FHIT: variants seen among roughly 807,000 people sequenced by gnomAD.
The protein encoded by FHIT is bis(5'-adenosyl)-triphosphatase.
Under a neutral mutation model 17.9 loss-of-function variants are expected in FHIT, and 19 were observed. The ratio of observed to expected loss-of-function variants is 1.06; its 90% CI spans 0.74 to 1.56. The LOEUF (loss-of-function observed/expected upper bound fraction) is 1.56, where lower values mean the gene tolerates loss of function less well. Ranked by LOEUF, FHIT falls within the 40% of genes most tolerant of loss-of-function variation. The pLI is 0.00. For missense variants in FHIT, 248 were observed against 189.2 expected, an observed-to-expected ratio of 1.31 and a Z score of -1.82; for synonymous variants, 81 against 69.7, an observed-to-expected ratio of 1.16 and a Z score of -0.81.
At chr3:60,744,258 C>CAAAAAAAAAAAAAAA (rs371224955) in intron 4 of FHIT, among the ~76,000 whole-genome samples, 1 of 95,642 alleles carries the variant, frequency 1.0e-5, no homozygotes, top group Non-Finnish European at 2.1e-5. Context: ...AAAAAAAAAA[C>CAAAAAAAAAAAAAAA]AAAACAAAAC....
rs1553691002 is a variant in FHIT at position 60,124,041 on chromosome 3, G to GAGACAGAGAGAGAGAGAGAC, written c.104-109890_104-109889insGTCTCTCTCTCTCTCTGTCT. ...AGAGAGAGAGAGAGAGAGAGAGAGAGAGAGAGAGAGAGAGACAGAGAGAGA... is the reference window on the plus strand; with the variant it reads ...AGAGAGAGAGAGAGAGAGAGAGAGAGAGACAGAGAGAGAGAGAGACAGAGAGAGAGAGAGACAGAGAGAGA... On this transcript the variant is annotated intron_variant, in intron 5 of 9. Coordinates refer to ENST00000492590, the MANE Select transcript of FHIT (RefSeq NM_002012.4). Among the ~76,000 whole-genome samples, 50 of 47,660 alleles carry GAGACAGAGAGAGAGAGAGAC rather than the reference G, an allele frequency of 1.0e-3. 2 individuals carry two copies. The highest frequency in any genetic ancestry group is 1.5e-3 in the Non-Finnish European group (35 of 23,408). The allele number at this position is 47,660 out of a possible 152,430, so 31.3% of individuals were successfully genotyped here.
chr3:60,731,025 C>A (rs1015869820), intron 4 of FHIT, among the ~76,000 whole-genome samples: 1 of 151,230 alleles, frequency 6.6e-6, no homozygotes, highest in African/African-American at 2.4e-5. Context: ...CAGCTACTTG[C>A]GAGGCTGAGG....
chr3:60,285,342 G>A (rs1232420092), intron 5 of FHIT, among the ~76,000 whole-genome samples: 1 of 152,042 alleles, frequency 6.6e-6, no homozygotes, highest in Non-Finnish European at 1.5e-5. Context: ...CCAAAAATAG[G>A]TTTATGCCCC....
intron 5 of FHIT, among the ~76,000 whole-genome samples, chr3:60,386,807 G>GCTGA (rs1701028512): frequency 6.6e-6 from 1 of 152,158 alleles, no homozygotes; most frequent in Non-Finnish European, 1.5e-5. Context: ...TGTGGTAGGT[G>GCTGA]CTGACCACTT....
Position 60,391,057 on chromosome 3 carries a change from ACATGCCTGTGGTC to A in FHIT, c.103+145790_103+145802del, listed in dbSNP as rs555183520. On this transcript the variant is annotated intron_variant, in intron 5 of 9. Coordinates refer to ENST00000492590, the MANE Select transcript of FHIT (RefSeq NM_002012.4). ...ATAAAAATTAGCCAGGTGTGGTGGG[ACATGCCTGTGGTC>A]CCAGCTTCTCATGAGGCTGAAGGAC... Among the ~76,000 whole-genome samples the A allele has an allele frequency of 3.6e-3, 543 of 152,162 alleles. 3 individuals are homozygous for A. Among genetic ancestry groups the A allele is most frequent in the African/African-American group, 0.012 (506 of 41,532 alleles).
At position 61,042,039 on chromosome 3, in the gene FHIT, G is replaced by C. The variant is rs958453436; in HGVS notation, c.-111+8C>G. 3 of 152,142 alleles carry C rather than the reference G, an allele frequency of 2.0e-5. No homozygotes were observed. The highest frequency in any genetic ancestry group is 2.9e-5 in the Non-Finnish European group (2 of 68,038). 9.4% of individuals were successfully genotyped at this position (152,142 alleles called of 1,614,324 possible). ...AATTCTGTTAAGTATTTTAAGAAAT[G>C]GTTTTACCTTCTTTCTCTTTCTCTC... On this transcript the variant is annotated splice_region_variant and intron_variant, in intron 3 of 9. Transcript: ENST00000492590.
chr3:60,453,781 GATA>G (rs890309909), intron 5 of FHIT, among the ~76,000 whole-genome samples: 5 of 152,116 alleles, frequency 3.3e-5, no homozygotes, highest in Non-Finnish European at 7.3e-5. Flanking sequence ...GCTACCGAAT[GATA>G]ATAATTGTAT....
rs563653346 is a variant in FHIT, at chr3:60,482,299, A to G, written c.103+54561T>C. 7.2e-5 allele frequency among the ~76,000 whole-genome samples: 11 copies of G among 152,202 alleles called. No homozygotes were observed. In the East Asian group the frequency reaches 1.5e-3, roughly 21 times the overall value. On this transcript the variant is annotated intron_variant, in intron 5 of 9. Coordinates refer to ENST00000492590, the MANE Select transcript of FHIT (RefSeq NM_002012.4). ...ATTAATGAGGATATTCAGGACATAA[A>G]CTCAGCTCTGGAGGGCTCTGGATCA...
chr3:60,038,124 T>TA lies in FHIT; in HGVS notation c.104-23973dup, dbSNP rs373839885. ...TTTTCTATTTTAATAGCTGATAGATTAGTAGGTTTTCAAGCTATATTTTAA... is the reference window on the plus strand; with the variant it reads ...TTTTCTATTTTAATAGCTGATAGATTAAGTAGGTTTTCAAGCTATATTTTAA... On this transcript the variant is annotated intron_variant, in intron 5 of 9. Coordinates refer to ENST00000492590, the MANE Select transcript of FHIT (RefSeq NM_002012.4). Among the ~76,000 whole-genome samples, 257 of 152,282 alleles carry TA rather than the reference T, an allele frequency of 1.7e-3. 2 individuals are homozygous for TA. The highest frequency in any genetic ancestry group is 6.8e-3 in the Middle Eastern group (2 of 294).
chr3:60,837,531 G>A (rs573733825), intron 3 of FHIT, among the ~76,000 whole-genome samples: 4 of 152,152 alleles, frequency 2.6e-5, no homozygotes, highest in South Asian at 4.1e-4. Context: ...ATATAGTTGG[G>A]TCATATTTTT....
At chr3:59,764,706 C>T (rs916556215) in intron 8 of FHIT, among the ~76,000 whole-genome samples, 1 of 146,972 alleles carries the variant, frequency 6.8e-6, no homozygotes, top group Non-Finnish European at 1.5e-5. Context: ...GACAGCAGAT[C>T]GTCACAGAGG....
intron 5 of FHIT, among the ~76,000 whole-genome samples, chr3:60,502,937 C>T (rs2034580765): frequency 6.6e-6 from 1 of 152,194 alleles, no homozygotes; most frequent in African/African-American, 2.4e-5. Flanking sequence ...TAGATGGTGA[C>T]TGTGACACAT....
intron 2 of FHIT, among the ~76,000 whole-genome samples, chr3:61,165,167 T>G (rs370583939): frequency 4.7e-4 from 72 of 152,364 alleles, no homozygotes; most frequent in African/African-American, 1.7e-3. Context: ...GTAATGTGAT[T>G]GCTAGGTTGA....
intron 5 of FHIT, among the ~76,000 whole-genome samples, chr3:60,453,112 G>A (rs2031855738): frequency 1.3e-5 from 2 of 151,948 alleles, no homozygotes; most frequent in South Asian, 4.1e-4. Context: ...TCTTTTATGA[G>A]CCAAATTACA....
intron 4 of FHIT, among the ~76,000 whole-genome samples, chr3:60,604,643 A>G (rs189875672): frequency 1.3e-5 from 2 of 152,234 alleles, no homozygotes; most frequent in Admixed American, 6.5e-5. Context: ...TATTCCACTC[A>G]TCAGCTCCCC....
intron 2 of FHIT, among the ~76,000 whole-genome samples, chr3:61,066,161 T>G (rs1358449680): frequency 6.6e-6 from 1 of 152,152 alleles, no homozygotes; most frequent in African/African-American, 2.4e-5. Flanking sequence ...GTGAACCCAT[T>G]AACATAATAA....
chr3:60,306,583 G>T (rs6779529), intron 5 of FHIT, among the ~76,000 whole-genome samples: 85,011 of 151,968 alleles, frequency 0.56, 24,812 homozygotes, highest in East Asian at 0.96. Context: ...TTCTGTCTGC[G>T]TCATTTCCAT....
chr3:59,752,597 AATTAGAATCCCCAGTGTC>A (rs1159317156), intron 8 of FHIT, among the ~76,000 whole-genome samples: 3 of 152,078 alleles, frequency 2.0e-5, no homozygotes, highest in Non-Finnish European at 4.4e-5. Context: ...TCTCATGTCA[AATTAGAATCCCCAGTGTC>A]AGAGGTGGGG....
At chr3:60,884,297 C>T (rs961568347) in intron 3 of FHIT, among the ~76,000 whole-genome samples, 2 of 152,102 alleles carry the variant, frequency 1.3e-5, no homozygotes, top group African/African-American at 2.4e-5. Context: ...TTATGGAAAA[C>T]GGTATGGAGG....
Sources: allele counts gnomAD v4.1 joint callset (sites outside exome capture counted in the v4.1 genomes callset), GRCh38; gene constraint gnomAD v4.1.1; transcripts MANE v1.5; gene names NCBI Gene and HGNC (gene_info 2026-07-23, HGNC 2026-07-21).